Variants in GALNT18 observed in about 807,000 individuals in gnomAD.
GALNT18 encodes GalNAc-transferase 18.
GALNT18 carries 44 observed loss-of-function variants against 69.5 expected under a neutral mutation model. The ratio of observed to expected loss-of-function variants is 0.63; its 90% CI spans 0.50 to 0.81. The LOEUF is 0.81. GALNT18 is among the 40% of genes least tolerant of loss of function. The probability of loss-of-function intolerance (pLI) is 0.00; values close to 1 mark genes in which losing one functional copy is unlikely to be tolerated. For synonymous variants in GALNT18, 364 were observed against 318.2 expected, an observed-to-expected ratio of 1.14 and a Z score of -1.53; for missense variants, 715 against 810.0, an observed-to-expected ratio of 0.88 and a Z score of 1.42.
In GALNT18 at chr11:11,604,991, A is replaced by T. The variant is rs1053253783; in HGVS notation, c.235+16368T>A. Among the ~76,000 whole-genome samples the T allele has an allele frequency of 1.3e-5, 2 of 152,208 alleles. No individual in the cohort carries two copies. Among genetic ancestry groups the T allele is most frequent in the Admixed American group, 6.5e-5 (1 of 15,286 alleles). ...TAGTCCTTTTTAAATGACATTTTCA[A>T]TTTTTCCCCTATGTCTACTATGCCC... On this transcript the variant is annotated intron_variant, in intron 1 of 10. Transcript: ENST00000227756. The surrounding 1 kb of genome is among the most constrained non-coding windows in gnomAD (Gnocchi z 5.6).
chr11:11,466,953 G>T (rs887750211), intron 1 of GALNT18, among the ~76,000 whole-genome samples: 1 of 152,220 alleles, frequency 6.6e-6, no homozygotes, highest in African/African-American at 2.4e-5. Flanking sequence ...AGAAGGCTCA[G>T]AGTAGAAAAT....
At chr11:11,552,837 A>C (rs1858232116) in intron 1 of GALNT18, among the ~76,000 whole-genome samples, 1 of 152,060 alleles carries the variant, frequency 6.6e-6, no homozygotes, top group Admixed American at 6.5e-5. Context: ...TGGTTTATTA[A>C]ATAACCAGGT....
Position 11,511,677 on chromosome 11 carries a change from G to T in GALNT18, c.236-62741C>A, listed in dbSNP as rs1857168776. 6.6e-6 allele frequency among the ~76,000 whole-genome samples: 1 copy of T among 152,200 alleles called. No individual in the cohort carries two copies. Among genetic ancestry groups the T allele is most frequent in the Non-Finnish European group, 1.5e-5 (1 of 68,044 alleles). On this transcript the variant is annotated intron_variant, in intron 1 of 10. Transcript: ENST00000227756. This position sits in a 1 kb window ranked among gnomAD's most constrained non-coding sequence, Gnocchi z 4.9. ...ATGATGTTTGAAGGTAGGGCCTTTGGGAGGTGATTGGATCATAAGGGTGGA... is the reference window on the plus strand; with the variant it reads ...ATGATGTTTGAAGGTAGGGCCTTTGTGAGGTGATTGGATCATAAGGGTGGA...
chr11:11,377,595 G>A lies in GALNT18; in HGVS notation c.780-216C>T, dbSNP rs1853798493. Among the ~76,000 whole-genome samples, 1 of 151,970 alleles carries A rather than the reference G, an allele frequency of 6.6e-6. No individual in the cohort carries two copies. On this transcript the variant is annotated intron_variant, in intron 4 of 10. Coordinates refer to ENST00000227756, the MANE Select transcript of GALNT18 (RefSeq NM_198516.3). This position sits in a 1 kb window ranked among gnomAD's most constrained non-coding sequence, Gnocchi z 4.6. ...TGGCAAGAGGCTGCACCACTCCATTGGCATATCCAGAGCTGAGCTGAGAGA... is the reference window on the plus strand; with the variant it reads ...TGGCAAGAGGCTGCACCACTCCATTAGCATATCCAGAGCTGAGCTGAGAGA...
intron 6 of GALNT18, among the ~76,000 whole-genome samples, chr11:11,342,608 T>C (rs1354082373): frequency 6.6e-6 from 1 of 152,250 alleles, no homozygotes; most frequent in African/African-American, 2.4e-5. Flanking sequence ...CACTTAAGCT[T>C]GTTTTGCCTT....
At position 11,523,112 on chromosome 11, in the gene GALNT18, A is replaced by C. The variant is rs1857436731; in HGVS notation, c.236-74176T>G. 6.6e-6 allele frequency among the ~76,000 whole-genome samples: 1 copy of C among 152,218 alleles called. No individual in the cohort carries two copies. The highest frequency in any genetic ancestry group is 2.4e-5 in the African/African-American group (1 of 41,458). On this transcript the variant is annotated intron_variant, in intron 1 of 10. Transcript: ENST00000227756. The surrounding 1 kb of genome is among the most constrained non-coding windows in gnomAD (Gnocchi z 4.3). ...GCCCTTTCATTATGTCCGCAAGATC[A>C]ATTCCATCTGAGTGAAGGTCTACAG... is the stretch of plus-strand genomic sequence containing the variant.
intron 1 of GALNT18, among the ~76,000 whole-genome samples, chr11:11,568,497 C>T (rs1287924082): frequency 6.6e-6 from 1 of 152,088 alleles, no homozygotes; most frequent in Non-Finnish European, 1.5e-5. Flanking sequence ...CTGCCAGTGA[C>T]TCTGGTTAAG....
At chr11:11,412,358 G>A (rs777985305) in intron 3 of GALNT18, among the ~76,000 whole-genome samples, 8 of 152,194 alleles carry the variant, frequency 5.3e-5, no homozygotes, top group Non-Finnish European at 1.0e-4. Context: ...CCCAGACCTG[G>A]TTTGGACTAT....
chr11:11,525,755 C>T (rs1590072758), intron 1 of GALNT18, among the ~76,000 whole-genome samples: 3 of 151,856 alleles, frequency 2.0e-5, no homozygotes, highest in East Asian at 3.9e-4. Flanking sequence ...CTGCCTCAGC[C>T]TCCCGAGTAG....
intron 3 of GALNT18, among the ~76,000 whole-genome samples, chr11:11,390,359 C>T (rs1467650769): frequency 2.6e-5 from 4 of 152,306 alleles, no homozygotes; most frequent in Non-Finnish European, 4.4e-5. Context: ...TTTTCCTCAC[C>T]TGCAGCTCTA....
intron 6 of GALNT18, chr11:11,352,350 T>A: frequency 3.1e-6 from 5 of 1,614,124 alleles, no homozygotes; most frequent in Non-Finnish European, 4.2e-6. Context: ...TTTGTCAATA[T>A]AGCCATATAA....
chr11:11,440,828 A>G (rs1183523180), intron 2 of GALNT18, among the ~76,000 whole-genome samples: 1 of 152,250 alleles, frequency 6.6e-6, no homozygotes, highest in Non-Finnish European at 1.5e-5. Context: ...GCAGTGGCCC[A>G]TGAGCTCTAC....
intron 1 of GALNT18, among the ~76,000 whole-genome samples, chr11:11,522,961 A>G (rs1857432687): frequency 6.6e-6 from 1 of 152,212 alleles, no homozygotes; most frequent in Non-Finnish European, 1.5e-5. Context: ...CTGTCCTCAG[A>G]TTAGGCAGAT....
intron 1 of GALNT18, among the ~76,000 whole-genome samples, chr11:11,468,275 C>T (rs2133849566): frequency 6.6e-6 from 1 of 152,262 alleles, no homozygotes; most frequent in Middle Eastern, 3.4e-3. Context: ...TCTTCCCTGC[C>T]TGAGCATGGA....
chr11:11,442,749 A>G (rs945936338), intron 2 of GALNT18, among the ~76,000 whole-genome samples: 2 of 152,100 alleles, frequency 1.3e-5, no homozygotes, highest in Non-Finnish European at 2.9e-5. Context: ...TGCAGAACAT[A>G]TTCTGACCAC....
chr11:11,425,627 T>C (rs7111888), intron 3 of GALNT18, among the ~76,000 whole-genome samples: 48,800 of 151,898 alleles, frequency 0.32, 9,037 homozygotes, highest in East Asian at 0.54. Flanking sequence ...TTTTTTTTTT[T>C]CCCCAGAAGT....
intron 10 of GALNT18, among the ~76,000 whole-genome samples, chr11:11,282,585 G>A (rs529084200): frequency 2.0e-5 from 3 of 152,268 alleles, no homozygotes; most frequent in East Asian, 1.9e-4. Flanking sequence ...TCGCTAGGAT[G>A]GTGGCCAGCC....
At chr11:11,390,088 C>T (rs1263876580) in intron 3 of GALNT18, among the ~76,000 whole-genome samples, 1 of 152,162 alleles carries the variant, frequency 6.6e-6, no homozygotes, top group African/African-American at 2.4e-5. Flanking sequence ...TCTGAGATCC[C>T]ATGAGTCTAA....
intron 3 of GALNT18, among the ~76,000 whole-genome samples, chr11:11,397,779 C>T (rs1442023335): frequency 6.6e-6 from 1 of 152,138 alleles, no homozygotes; most frequent in African/African-American, 2.4e-5. Flanking sequence ...CCCACAAGGG[C>T]TTATATTTTT....
Sources: allele counts gnomAD v4.1 joint callset (sites outside exome capture counted in the v4.1 genomes callset), GRCh38; gene constraint gnomAD v4.1.1; non-coding constraint Gnocchi (gnomAD v3.1); transcripts MANE v1.5; gene names NCBI Gene and HGNC (gene_info 2026-07-23, HGNC 2026-07-21).